Variants in RNF212B observed in about 807,000 individuals in gnomAD.
RNF212B encodes E3 ubiquitin-protein ligase RNF212B.
In RNF212B, 52 loss-of-function variants were observed where a neutral mutation model predicts 55.5. That is an observed-to-expected ratio of 0.94 (90% CI 0.75 to 1.18). The LOEUF (loss-of-function observed/expected upper bound fraction) is 1.18. RNF212B is among the 50% of genes most tolerant of loss of function. The probability of loss-of-function intolerance (pLI) is 0.00; values close to 1 mark genes in which losing one functional copy is unlikely to be tolerated. For missense variants in RNF212B, 289 were observed against 350.4 expected (o/e 0.82, Z 1.40); for synonymous variants, 99 against 121.4 (o/e 0.82, Z 1.21).
chr14:23,231,081 A>G (rs1882573042), intron 2 of RNF212B, among the ~76,000 whole-genome samples: 2 of 152,126 alleles, frequency 1.3e-5, no homozygotes, highest in South Asian at 2.1e-4. Flanking sequence ...CCTTTTTAAG[A>G]TTGTTTTGAC....
At chr14:23,190,862 G>A (rs1191776661) in intron 1 of RNF212B, among the ~76,000 whole-genome samples, 28 of 152,062 alleles carry the variant, frequency 1.8e-4, no homozygotes, top group Admixed American at 1.6e-3. Context: ...TTCCTTTCAC[G>A]TGGTCCTCCA....
At chr14:23,241,036 G>C (rs566833583) in intron 2 of RNF212B, among the ~76,000 whole-genome samples, 1 of 152,144 alleles carries the variant, frequency 6.6e-6, no homozygotes, top group South Asian at 2.1e-4. Flanking sequence ...TTAAATTTCA[G>C]TGTCTTTTTT....
At chr14:23,201,798 T>A (rs1566391878) in intron 2 of RNF212B, among the ~76,000 whole-genome samples, 2 of 152,206 alleles carry the variant, frequency 1.3e-5, no homozygotes, top group African/African-American at 4.8e-5. Flanking sequence ...CTTCATTTAT[T>A]GAGAGAGGGG....
At chr14:23,220,554 G>A (rs1385829047) in intron 2 of RNF212B, among the ~76,000 whole-genome samples, 9 of 148,506 alleles carry the variant, frequency 6.1e-5, no homozygotes, top group East Asian at 2.1e-4. Context: ...AGCCGGGCTC[G>A]GTGGCTCACG....
At chr14:23,269,051 TC>T in intron 12 of RNF212B, 88 bp downstream of exon 12, 1 of 1,116,016 alleles carries the variant, frequency 9.0e-7, no homozygotes. Context: ...ACGCCTGTAA[TC>T]CCAGCACTTT....
chr14:23,225,088 A>C (rs1415232602), intron 2 of RNF212B, among the ~76,000 whole-genome samples: 1 of 152,154 alleles, frequency 6.6e-6, no homozygotes, highest in Middle Eastern at 3.2e-3. Flanking sequence ...ACACAAAAAA[A>C]AAACACCTAC....
chr14:23,250,387 G>A (rs1407869376), intron 4 of RNF212B, among the ~76,000 whole-genome samples: 2 of 151,190 alleles, frequency 1.3e-5, no homozygotes, highest in African/African-American at 4.9e-5. Context: ...GGAGGCTGAG[G>A]CATGAGAATT....
At chr14:23,240,588 T>TC in intron 2 of RNF212B, 143 bp downstream of exon 2, 2 of 537,394 alleles carry the variant, frequency 3.7e-6, no homozygotes, top group Non-Finnish European at 6.5e-6. Flanking sequence ...ACTGTCAATT[T>TC]TAGAAATTGA....
chr14:23,210,315 C>G (rs1223349308), intron 2 of RNF212B, among the ~76,000 whole-genome samples: 2 of 152,148 alleles, frequency 1.3e-5, no homozygotes, highest in African/African-American at 4.8e-5. Flanking sequence ...CCGTCTCTGA[C>G]CAGAGAATGC....
At chr14:23,271,280 T>A (rs1439615707) in intron 14 of RNF212B, among the ~76,000 whole-genome samples, 1 of 152,046 alleles carries the variant, frequency 6.6e-6, no homozygotes, top group South Asian at 2.1e-4. Context: ...CTCTCTCTAC[T>A]GAAAATACAA....
At chr14:23,248,583 G>A (rs954030648) in intron 4 of RNF212B, among the ~76,000 whole-genome samples, 2 of 150,258 alleles carry the variant, frequency 1.3e-5, no homozygotes, top group Admixed American at 1.3e-4. Context: ...CTGGGATTAC[G>A]GGCATGCGCC....
rs576118480 is a variant in RNF212B, at chr14:23,191,101, C to G, written c.-78-2224C>G. Among the ~76,000 whole-genome samples, 248 of 152,290 alleles carry G rather than the reference C, an allele frequency of 1.6e-3. 1 individual carries two copies. Among genetic ancestry groups the G allele is most frequent in the African/African-American group, 5.8e-3 (241 of 41,556 alleles). The stretch of plus-strand genomic sequence containing the variant: ...GCGCGCAGTGGCTCACTCCTGTAAT[C>G]CCAGCGCTTTGGGAGGCCGAGGTGG... On this transcript the variant is annotated intron_variant, in intron 1 of 15. Transcript: ENST00000399910.
chr14:23,270,103 G>A, intron 13 of RNF212B, 143 bp downstream of exon 13: 1 of 618,806 alleles, frequency 1.6e-6, no homozygotes, highest in Non-Finnish European at 2.9e-6. Context: ...TTCTTTAAGA[G>A]CCATCCCATT....
chr14:23,235,647 A>G (rs1290485281), upstream of RNF212B, among the ~76,000 whole-genome samples: 2 of 152,222 alleles, frequency 1.3e-5, no homozygotes, highest in Non-Finnish European at 2.9e-5. Context: ...CCAAGACTCA[A>G]ATACTTACCT....
chr14:23,214,430 G>A (rs751100006), intron 2 of RNF212B, among the ~76,000 whole-genome samples: 1 of 152,082 alleles, frequency 6.6e-6, no homozygotes, highest in Admixed American at 6.5e-5. Context: ...GGAGGTGGAG[G>A]TTGCGGTGAG....
intron 4 of RNF212B, among the ~76,000 whole-genome samples, chr14:23,248,110 CT>C (rs1352674201): frequency 6.6e-6 from 1 of 151,986 alleles, no homozygotes. Flanking sequence ...CTTCAAGCCT[CT>C]TTTTATTTAG....
intron 11 of RNF212B, among the ~76,000 whole-genome samples, chr14:23,268,124 C>CTGAGCTCCAAGTCCTGGTGAACT (rs1423193501): frequency 2.0e-5 from 3 of 152,216 alleles, no homozygotes; most frequent in Non-Finnish European, 4.4e-5. Context: ...TTGGTAAGCT[C>CTGAGCTCCAAGTCCTGGTGAACT]TGAGCTCCAA....
At chr14:23,272,791 AC>A (rs1886204726) in intron 14 of RNF212B, 31 bp from the exon 15 acceptor site, 1 of 1,458,038 alleles carries the variant, frequency 6.9e-7, no homozygotes, top group South Asian at 1.2e-5. Flanking sequence ...TGTTATAAAC[AC>A]CCACATCTAC....
intron 14 of RNF212B, among the ~76,000 whole-genome samples, chr14:23,272,186 G>A (rs1418415106): frequency 6.6e-6 from 1 of 152,148 alleles, no homozygotes; most frequent in Non-Finnish European, 1.5e-5. Context: ...GGGAGGCCGA[G>A]GCGGGCGGAT....
Sources: gnomAD v4.1 joint callset for allele counts (sites outside exome capture counted in the v4.1 genomes callset) on GRCh38, gnomAD v4.1.1 for gene constraint, MANE v1.5 for transcripts, NCBI Gene and HGNC (gene_info 2026-07-23, HGNC 2026-07-21) for gene names.